Variants in PDZRN4 observed in about 807,000 individuals in gnomAD.
PDZRN4 encodes the protein PDZ domain containing ring finger 4.
In PDZRN4, 70 loss-of-function variants were observed where a neutral mutation model predicts 99.0. The observed-to-expected ratio is 0.71, with a 90% CI of 0.58 to 0.86. The LOEUF is 0.86. Among genes scored for constraint, PDZRN4 ranks in the 40% least tolerant of loss-of-function variants. The pLI is 0.00. For missense variants in PDZRN4, 1,474 were observed against 1,331.2 expected (o/e 1.11, Z -1.67); for synonymous variants, 551 against 501.6 (o/e 1.10, Z -1.32).
intron 3 of PDZRN4, among the ~76,000 whole-genome samples, chr12:41,390,719 G>T (rs537171744): frequency 1.3e-5 from 2 of 152,034 alleles, no homozygotes; most frequent in Non-Finnish European, 2.9e-5. Flanking sequence ...TAAGAATAAT[G>T]TAACAGTGGT....
intron 3 of PDZRN4, among the ~76,000 whole-genome samples, chr12:41,414,828 T>A (rs1952430619): frequency 6.6e-6 from 1 of 152,156 alleles, no homozygotes; most frequent in Admixed American, 6.6e-5. Flanking sequence ...GTCCCAGAAG[T>A]GTCATAGTAA....
chr12:41,557,818 C>T (rs1939194574), intron 7 of PDZRN4, among the ~76,000 whole-genome samples: 1 of 152,218 alleles, frequency 6.6e-6, no homozygotes, highest in Middle Eastern at 3.4e-3. Flanking sequence ...AGTGAGCTCC[C>T]GAAATAGTGA....
chr12:41,508,975 T>C (rs1938257204), intron 4 of PDZRN4, among the ~76,000 whole-genome samples: 1 of 152,202 alleles, frequency 6.6e-6, no homozygotes, highest in Admixed American at 6.6e-5. Flanking sequence ...AAAGGCCTTA[T>C]GCTCTTTGCT....
intron 3 of PDZRN4, among the ~76,000 whole-genome samples, chr12:41,336,220 T>C (rs1018504940): frequency 2.6e-5 from 4 of 152,132 alleles, no homozygotes; most frequent in African/African-American, 9.6e-5. Context: ...CTGGCATATG[T>C]GATTCAAAGA....
chr12:41,276,929 T>A (rs1156278190), intron 3 of PDZRN4, among the ~76,000 whole-genome samples: 2 of 152,174 alleles, frequency 1.3e-5, no homozygotes, highest in South Asian at 2.1e-4. Flanking sequence ...GCATAATGGT[T>A]AGCTAGTGTG....
At chr12:41,360,152 C>T (rs1951954454) in intron 3 of PDZRN4, among the ~76,000 whole-genome samples, 1 of 151,906 alleles carries the variant, frequency 6.6e-6, no homozygotes, top group South Asian at 2.1e-4. Flanking sequence ...CTTTTGTACT[C>T]CTCCATAATA....
At chr12:41,563,471 T>G in intron 7 of PDZRN4, 77 bp from the exon 8 acceptor site, 4 of 1,024,632 alleles carry the variant, frequency 3.9e-6, no homozygotes, top group Non-Finnish European at 6.1e-6. Context: ...TTACCATAAA[T>G]GAGCTGATAT....
chr12:41,411,992 T>C (rs1952403665), intron 3 of PDZRN4: 1 of 152,198 alleles, frequency 6.6e-6, no homozygotes, highest in African/African-American at 2.4e-5. Context: ...TTATATATGA[T>C]CTTAGTTAAG....
intron 5 of PDZRN4, among the ~76,000 whole-genome samples, 195 bp downstream of exon 5, chr12:41,510,108 A>G (rs927246451): frequency 1.3e-5 from 2 of 152,152 alleles, no homozygotes; most frequent in Non-Finnish European, 2.9e-5. Flanking sequence ...TTTTTATAGT[A>G]TAAGCTTAAA....
chr12:41,401,985 G>C lies in PDZRN4; in HGVS notation c.844-104471G>C, dbSNP rs200410620. On this transcript the variant is annotated intron_variant, in intron 3 of 9. Coordinates refer to ENST00000402685, the MANE Select transcript of PDZRN4 (RefSeq NM_001164595.2). ...ATGTAAAAGATTCTGTTTATCCCTT[G>C]AGGTCAGCATAAAAGCACCCTATGG... Among the ~76,000 whole-genome samples the C allele has an allele frequency of 8.7e-5, 13 of 149,906 alleles. No homozygotes were observed. In the East Asian group the frequency reaches 2.2e-3, roughly 25 times the overall value.
chr12:41,231,839 C>A (rs1357927281), intron 3 of PDZRN4, among the ~76,000 whole-genome samples: 1 of 151,922 alleles, frequency 6.6e-6, no homozygotes, highest in Non-Finnish European at 1.5e-5. Flanking sequence ...TCCATGAAAG[C>A]AGGCTGATAA....
intron 3 of PDZRN4, among the ~76,000 whole-genome samples, chr12:41,345,469 A>G (rs1951846641): frequency 6.6e-6 from 1 of 152,168 alleles, no homozygotes. Flanking sequence ...AGGGCTGAAA[A>G]CAGACATTGA....
At chr12:41,334,451 G>A (rs992817761) in intron 3 of PDZRN4, among the ~76,000 whole-genome samples, 4 of 151,596 alleles carry the variant, frequency 2.6e-5, no homozygotes, top group Admixed American at 1.3e-4. Flanking sequence ...AATGCAGATG[G>A]CACTGATTAG....
intron 3 of PDZRN4, among the ~76,000 whole-genome samples, chr12:41,365,739 A>G (rs559525625): frequency 6.6e-6 from 1 of 152,196 alleles, no homozygotes; most frequent in African/African-American, 2.4e-5. Context: ...TACATCCTTC[A>G]GATAAGGACT....
intron 3 of PDZRN4, among the ~76,000 whole-genome samples, chr12:41,289,947 T>A (rs2120904993): frequency 6.6e-6 from 1 of 152,332 alleles, no homozygotes; most frequent in Non-Finnish European, 1.5e-5. Context: ...GGATCTCCAG[T>A]AATTGTTATG....
rs533696414 is a variant in PDZRN4 at position 41,197,920 on chromosome 12, G to GTTTTTTTTTTTTTTTTTTT, written c.843+3743_843+3744insTTTTTTTTTTTTTTTTTTT. 2.1e-3 allele frequency among the ~76,000 whole-genome samples: 240 copies of GTTTTTTTTTTTTTTTTTTT among 115,498 alleles called. 14 individuals carry two copies. Among genetic ancestry groups the GTTTTTTTTTTTTTTTTTTT allele is most frequent in the Middle Eastern group, 5.2e-3 (1 of 194 alleles). 75.8% of individuals were successfully genotyped at this position (115,498 alleles called of 152,430 possible). On this transcript the variant is annotated intron_variant, in intron 3 of 9. Coordinates refer to ENST00000402685, the MANE Select transcript of PDZRN4 (RefSeq NM_001164595.2). ...TTCTTCTTTTCCTTGTTTTTTCTGG[G>GTTTTTTTTTTTTTTTTTTT]TTTTTTTTTTTGGAGACAGGATCTT...
intron 3 of PDZRN4, among the ~76,000 whole-genome samples, chr12:41,364,134 G>A (rs1951981194): frequency 6.6e-6 from 1 of 152,084 alleles, no homozygotes; most frequent in African/African-American, 2.4e-5. Context: ...TGGCCTTATA[G>A]TTTCACTCAA....
intron 3 of PDZRN4, among the ~76,000 whole-genome samples, chr12:41,329,332 T>C (rs991955704): frequency 2.0e-5 from 3 of 152,154 alleles, no homozygotes; most frequent in Non-Finnish European, 4.4e-5. Flanking sequence ...CTAACTTTAA[T>C]ACCTACACAT....
intron 3 of PDZRN4, among the ~76,000 whole-genome samples, chr12:41,487,395 A>G (rs1937798048): frequency 6.6e-6 from 1 of 152,202 alleles, no homozygotes; most frequent in Admixed American, 6.5e-5. Context: ...TGCACACTAG[A>G]AAGGTCTCAA....
Sources: gnomAD v4.1 joint callset for allele counts (sites outside exome capture counted in the v4.1 genomes callset) on GRCh38, gnomAD v4.1.1 for gene constraint, MANE v1.5 for transcripts, NCBI Gene and HGNC (gene_info 2026-07-23, HGNC 2026-07-21) for gene names.